The following WDR72 variants were observed in gnomAD, a reference collection of about 807,000 sequenced individuals.
WDR72 encodes WD repeat-containing protein 72.
Under a neutral mutation model 124.2 loss-of-function variants are expected in WDR72, and 120 were observed. The observed-to-expected ratio is 0.97, with a 90% CI of 0.83 to 1.12. WDR72 has a LOEUF of 1.12. WDR72 is among the 50% of genes most tolerant of loss of function. The pLI, the probability that WDR72 is intolerant of heterozygous loss-of-function variation, is 0.00. For synonymous variants in WDR72, 452 were observed against 441.7 expected (o/e 1.02, Z -0.29); for missense variants, 1,387 against 1,278.8 (o/e 1.08, Z -1.29).
chr15:53,546,339 T>A lies in WDR72; in HGVS notation c.3149-23017A>T, dbSNP rs1266948835. ...CCATGGAATACTATGCAGCCATAAATAATGATGAGTTCATGTCCTTTGTAG... is the reference window on the plus strand; with the variant it reads ...CCATGGAATACTATGCAGCCATAAAAAATGATGAGTTCATGTCCTTTGTAG... On this transcript the variant is annotated intron_variant, in intron 18 of 19. Coordinates refer to ENST00000360509, the MANE Select transcript of WDR72 (RefSeq NM_182758.4). Among the ~76,000 whole-genome samples, 554 of 151,694 alleles carry A rather than the reference T, an allele frequency of 3.7e-3. 3 individuals are homozygous for A. The highest frequency in any genetic ancestry group is 6.5e-3 in the Non-Finnish European group (437 of 67,746).
At chr15:53,716,451 A>G (rs1368150767) in intron 4 of WDR72, among the ~76,000 whole-genome samples, 156 bp downstream of exon 4, 1 of 152,214 alleles carries the variant, frequency 6.6e-6, no homozygotes, top group Non-Finnish European at 1.5e-5. Context: ...AAATGCCAAA[A>G]CAGCAGACAA....
chr15:53,692,173 A>G (rs1442676842), intron 13 of WDR72, among the ~76,000 whole-genome samples: 4 of 152,208 alleles, frequency 2.6e-5, no homozygotes, highest in Non-Finnish European at 5.9e-5. Flanking sequence ...TGGACACTTT[A>G]GTATATTCCA....
At chr15:53,668,296 G>C (rs1045803316) in intron 13 of WDR72, among the ~76,000 whole-genome samples, 2 of 152,170 alleles carry the variant, frequency 1.3e-5, no homozygotes, top group African/African-American at 4.8e-5. Context: ...CATAAGGAGT[G>C]GTTAGAGTCA....
At chr15:53,579,750 C>T (rs999819077) in intron 18 of WDR72, among the ~76,000 whole-genome samples, 9 of 152,032 alleles carry the variant, frequency 5.9e-5, no homozygotes, top group Non-Finnish European at 8.8e-5. Context: ...CTCTATGAGT[C>T]CTGTAATCTG....
upstream of WDR72, among the ~76,000 whole-genome samples, chr15:53,760,406 C>G (rs1168320594): frequency 6.7e-6 from 1 of 148,966 alleles, no homozygotes; most frequent in Non-Finnish European, 1.5e-5. Flanking sequence ...ATTTTTAGCT[C>G]CCACAGATAA....
intron 14 of WDR72, among the ~76,000 whole-genome samples, chr15:53,664,791 T>C (rs1318112617): frequency 6.6e-6 from 1 of 152,054 alleles, no homozygotes; most frequent in African/African-American, 2.4e-5. Context: ...AGAAACAATT[T>C]ATACCAGCAA....
chr15:53,580,956 A>ATAAT (rs3081215), intron 18 of WDR72, among the ~76,000 whole-genome samples: 125,284 of 151,482 alleles, frequency 0.83, 51,944 homozygotes, highest in Middle Eastern at 0.91. Context: ...AAAGATAGTT[A>ATAAT]TAATTATTTG....
rs773358454 is a variant in WDR72 at position 53,714,486 on chromosome 15, A to G, written c.539T>C (p.Val180Ala). The G allele has an allele frequency of 4.3e-6, 7 of 1,613,768 alleles. No homozygotes were observed. In the East Asian group the frequency reaches 1.6e-4, roughly 36 times the overall value. ...IQEDSLLVVS[V>A]AGELKVWDLS... is the part of the protein sequence containing the mutation. ...ATCCCATACTTTGAGCTCACCAGCT[A>G]CTGATACCACCAAGAGAGAATCTTC... is the stretch of plus-strand genomic sequence containing the variant. Residue 180 changes from valine (V) to alanine (A), a missense_variant, in exon 6 of 20, where the codon GTA (valine) becomes GCA (alanine). Transcript: ENST00000360509.
At chr15:53,608,460 C>T (rs536212414) in intron 17 of WDR72, among the ~76,000 whole-genome samples, 28 of 139,168 alleles carry the variant, frequency 2.0e-4, no homozygotes, top group Admixed American at 5.0e-4. Context: ...TGTGGAATCT[C>T]GCAATCAAAA....
In WDR72 at chr15:53,705,971, T is replaced by A; in HGVS notation, c.1058A>T (p.His353Leu). ...GEVSGRITLW[H>L]IPDVPVSKFD... ...CTTGGATACAGGAACATCAGGGATG[T>A]GCCACAAAGTAATTCTTCCTGAGAC... The change falls in exon 10 of 20, where the codon CAC becomes CTC. Residue 353 changes from histidine (H) to leucine (L), a missense_variant. Physicochemically the swap from His to Leu is moderately conservative, Grantham distance 99 (BLOSUM62 -3). Coordinates refer to ENST00000360509, the MANE Select transcript of WDR72 (RefSeq NM_182758.4). The A allele has an allele frequency of 6.2e-7, 1 of 1,614,114 alleles. No individual in the cohort carries two copies. Among genetic ancestry groups the A allele is most frequent in the Non-Finnish European group, 8.5e-7 (1 of 1,180,006 alleles).
intron 13 of WDR72, among the ~76,000 whole-genome samples, chr15:53,667,011 C>T (rs1472598200): frequency 6.6e-6 from 1 of 152,150 alleles, no homozygotes; most frequent in Middle Eastern, 3.2e-3. Flanking sequence ...CCTTATCATA[C>T]AAGCTTATAA....
intron 18 of WDR72, among the ~76,000 whole-genome samples, chr15:53,536,968 C>A (rs1242948017): frequency 6.6e-6 from 1 of 152,120 alleles, no homozygotes; most frequent in Non-Finnish European, 1.5e-5. Context: ...AGTCCCCAAT[C>A]CAATTAAACA....
intron 13 of WDR72, among the ~76,000 whole-genome samples, chr15:53,674,564 G>A (rs1339681787): frequency 6.6e-6 from 1 of 152,128 alleles, no homozygotes. Flanking sequence ...ATGGAAGGGT[G>A]GGGAAAGGGA....
chr15:53,525,488 A>G (rs956345488), intron 18 of WDR72, among the ~76,000 whole-genome samples: 6 of 152,084 alleles, frequency 3.9e-5, no homozygotes, highest in Non-Finnish European at 8.8e-5. Flanking sequence ...AAAAATATTT[A>G]TCAAGCACCA....
intron 18 of WDR72, among the ~76,000 whole-genome samples, chr15:53,553,005 T>C (rs1051352208): frequency 6.6e-6 from 1 of 151,962 alleles, no homozygotes; most frequent in Non-Finnish European, 1.5e-5. Flanking sequence ...CTGTCAACGG[T>C]CAATATCATT....
chr15:53,649,356 TAAATTA>T (rs1353180707), intron 14 of WDR72, among the ~76,000 whole-genome samples: 2 of 152,212 alleles, frequency 1.3e-5, no homozygotes, highest in African/African-American at 2.4e-5. Flanking sequence ...TGGCTTATTC[TAAATTA>T]ATGGGAATTT....
chr15:53,693,261 A>C (rs1005071711), intron 13 of WDR72, among the ~76,000 whole-genome samples: 1 of 152,214 alleles, frequency 6.6e-6, no homozygotes, highest in African/African-American at 2.4e-5. Context: ...GAAGGTGACC[A>C]AGTAAAACCT....
At chr15:53,636,388 T>C (rs1208702965) in intron 14 of WDR72, among the ~76,000 whole-genome samples, 1 of 152,118 alleles carries the variant, frequency 6.6e-6, no homozygotes, top group Non-Finnish European at 1.5e-5. Context: ...AATTCAACTT[T>C]TAAATAAATC....
chr15:53,702,665 G>A (rs183159983), intron 11 of WDR72, among the ~76,000 whole-genome samples: 139 of 152,162 alleles, frequency 9.1e-4, no homozygotes, highest in African/African-American at 3.3e-3. Flanking sequence ...TTGAGGTCAG[G>A]GGTTCAAGAC....
Sources: allele counts gnomAD v4.1 joint callset (sites outside exome capture counted in the v4.1 genomes callset), GRCh38; gene constraint gnomAD v4.1.1; transcripts MANE v1.5; gene names NCBI Gene and HGNC (gene_info 2026-07-23, HGNC 2026-07-21).